The following CELF4 variants were observed in gnomAD, a reference collection of about 807,000 sequenced individuals.
CELF4 encodes CUGBP Elav-like family member 4, also known as CUG-BP- and ETR-3-like factor 4.
In CELF4, 18 loss-of-function variants were observed where a neutral mutation model predicts 59.9. The ratio of observed to expected loss-of-function variants is 0.30; its 90% CI spans 0.21 to 0.45. The LOEUF (loss-of-function observed/expected upper bound fraction) is 0.45, where lower values mean the gene tolerates loss of function less well. Ranked by LOEUF, CELF4 falls within the 20% of genes least tolerant of loss-of-function variation. The pLI is 1.00. For missense variants in CELF4, 456 were observed against 689.0 expected (o/e 0.66, Z 3.79); for synonymous variants, 261 against 267.1 (o/e 0.98, Z 0.22).
intron 1 of CELF4, among the ~76,000 whole-genome samples, chr18:37,549,176 T>C (rs1356928504): frequency 1.3e-5 from 2 of 152,212 alleles, no homozygotes; most frequent in Non-Finnish European, 1.5e-5. Context: ...ATCACTCACT[T>C]TATTTAAAGG....
At chr18:37,322,927 C>A (rs901671257) in intron 2 of CELF4, among the ~76,000 whole-genome samples, 7 of 152,198 alleles carry the variant, frequency 4.6e-5, no homozygotes, top group African/African-American at 1.4e-4. Context: ...CTTCCCAAGG[C>A]CACCACGTGG....
At position 37,293,232 on chromosome 18, in the gene CELF4, C is replaced by T. The variant is rs533393218; in HGVS notation, c.449-17989G>A. On this transcript the variant is annotated intron_variant, in intron 3 of 12. Coordinates refer to ENST00000420428, the MANE Select transcript of CELF4 (RefSeq NM_020180.4). Reference sequence around the variant, plus strand: ...AGAGCAACACGGATCTATTCTCTCACGGTTCTGGAGGCTGAAAGTCAGAAA... The same window carrying T: ...AGAGCAACACGGATCTATTCTCTCATGGTTCTGGAGGCTGAAAGTCAGAAA... Among the ~76,000 whole-genome samples the T allele has an allele frequency of 9.8e-5, 15 of 152,364 alleles. No individual in the cohort carries two copies. In the South Asian group the frequency reaches 2.1e-3, roughly 21 times the overall value.
intron 3 of CELF4, among the ~76,000 whole-genome samples, chr18:37,290,717 C>T (rs926982822): frequency 1.3e-5 from 2 of 152,120 alleles, no homozygotes; most frequent in African/African-American, 4.8e-5. Context: ...TTCTGCCCTC[C>T]TCTGGGCCTA....
chr18:37,365,296 G>T (rs775891168), intron 2 of CELF4, among the ~76,000 whole-genome samples: 7 of 152,106 alleles, frequency 4.6e-5, no homozygotes, highest in Non-Finnish European at 7.3e-5. Context: ...ATGGAGAGTT[G>T]ATTGAGCCCT....
At chr18:37,530,546 C>A (rs1299010381) in intron 1 of CELF4, among the ~76,000 whole-genome samples, 1 of 152,082 alleles carries the variant, frequency 6.6e-6, no homozygotes, top group Non-Finnish European at 1.5e-5. Flanking sequence ...ACTCCCCCTA[C>A]CCCCTGCCAC....
intron 2 of CELF4, among the ~76,000 whole-genome samples, chr18:37,343,717 T>C (rs2098141093): frequency 6.6e-6 from 1 of 152,082 alleles, no homozygotes; most frequent in African/African-American, 2.4e-5. Context: ...TCCTCCTCCT[T>C]GCCATGACAG....
chr18:37,353,244 A>G (rs1362572941), intron 2 of CELF4, among the ~76,000 whole-genome samples: 2 of 146,070 alleles, frequency 1.4e-5, no homozygotes, highest in African/African-American at 5.0e-5. Context: ...ATATATATAT[A>G]TATATACATA....
intron 1 of CELF4, among the ~76,000 whole-genome samples, chr18:37,537,467 TTTATGA>T (rs971182378): frequency 6.6e-6 from 1 of 152,292 alleles, no homozygotes; most frequent in African/African-American, 2.4e-5. Flanking sequence ...TCAAATGGCC[TTTATGA>T]TTAAGGCAGG....
At chr18:37,283,976 CCATCTCACAT>C (rs199700529) in intron 3 of CELF4, among the ~76,000 whole-genome samples, 1 of 304 alleles carries the variant, frequency 3.3e-3, no homozygotes, top group Non-Finnish European at 6.7e-3. Flanking sequence ...AGACACACAC[CCATCTCACAT>C]CCCAACACAC....
intron 2 of CELF4, among the ~76,000 whole-genome samples, chr18:37,483,304 G>T (rs531892752): frequency 4.3e-4 from 65 of 152,338 alleles, no homozygotes; most frequent in East Asian, 3.9e-3. Context: ...GCAGGTTTGT[G>T]TGGAGACAAT....
chr18:37,363,815 C>A (rs1440681628), intron 2 of CELF4, among the ~76,000 whole-genome samples: 1 of 152,188 alleles, frequency 6.6e-6, no homozygotes, highest in Non-Finnish European at 1.5e-5. Flanking sequence ...CTCCCTCCCA[C>A]ATCTGTGCCT....
chr18:37,509,528 GACACAGCAGA>G (rs2099941901), intron 1 of CELF4, among the ~76,000 whole-genome samples: 1 of 152,252 alleles, frequency 6.6e-6, no homozygotes, highest in Admixed American at 6.5e-5. Context: ...GGCATTGCAT[GACACAGCAGA>G]CACTCAATGA....
intron 1 of CELF4, among the ~76,000 whole-genome samples, chr18:37,543,691 T>C (rs1197868128): frequency 1.3e-5 from 2 of 152,230 alleles, no homozygotes; most frequent in African/African-American, 4.8e-5. Context: ...GGAATATGGG[T>C]GTCCTCTTCT....
rs551894861 is a variant in CELF4 at position 37,325,629 on chromosome 18, C to T, written c.370-3748G>A. ...CCTCCATGGCGTGCTGTTGGGCTCA[C>T]CCCTCACACACAGGCCCCTCTGCTT... is the stretch of plus-strand genomic sequence containing the variant. On this transcript the variant is annotated intron_variant, in intron 2 of 12. Transcript: ENST00000420428. Among the ~76,000 whole-genome samples, 3 of 152,320 alleles carry T rather than the reference C, an allele frequency of 2.0e-5. No individual in the cohort carries two copies. In the East Asian group the frequency reaches 5.8e-4, roughly 29 times the overall value.
intron 2 of CELF4, among the ~76,000 whole-genome samples, chr18:37,428,856 T>C (rs2154598869): frequency 6.6e-6 from 1 of 152,292 alleles, no homozygotes; most frequent in African/African-American, 2.4e-5. Flanking sequence ...GCCTTCTTTA[T>C]TTCTGTATCT....
chr18:37,375,759 G>A (rs1488514971), intron 2 of CELF4, among the ~76,000 whole-genome samples: 2 of 152,150 alleles, frequency 1.3e-5, no homozygotes, highest in East Asian at 1.9e-4. Flanking sequence ...GGATGCAGCC[G>A]GCCTACAGCC....
At chr18:37,541,332 A>G (rs1254063772) in intron 1 of CELF4, among the ~76,000 whole-genome samples, 1 of 151,878 alleles carries the variant, frequency 6.6e-6, no homozygotes, top group South Asian at 2.1e-4. Flanking sequence ...GAGTGCCTCT[A>G]TTCGTCCTGG....
At chr18:37,352,919 G>C (rs1266416214) in intron 2 of CELF4, among the ~76,000 whole-genome samples, 1 of 152,058 alleles carries the variant, frequency 6.6e-6, no homozygotes, top group African/African-American at 2.4e-5. Flanking sequence ...CCAGAGGCTG[G>C]GAGAACAAGA....
rs998714345 is a variant in CELF4, at chr18:37,372,397, C to T, written c.370-50516G>A. 5.3e-5 allele frequency among the ~76,000 whole-genome samples: 8 copies of T among 152,268 alleles called. No individual in the cohort carries two copies. In the South Asian group the frequency reaches 1.5e-3, roughly 28 times the overall value. ...ATCGCAAGGACAGAAAACCAAACAC[C>T]GTATGTTCTCACTCATAGGTAGGAA... is the stretch of plus-strand genomic sequence containing the variant. On this transcript the variant is annotated intron_variant, in intron 2 of 12. Coordinates refer to ENST00000420428, the MANE Select transcript of CELF4 (RefSeq NM_020180.4).
Sources: allele counts gnomAD v4.1 joint callset (sites outside exome capture counted in the v4.1 genomes callset), GRCh38; gene constraint gnomAD v4.1.1; transcripts MANE v1.5; gene names NCBI Gene and HGNC (gene_info 2026-07-23, HGNC 2026-07-21).